ACER1: variants seen among roughly 807,000 people sequenced by gnomAD.
ACER1 encodes CTB-180A7.3.
ACER1 carries 28 observed loss-of-function variants against 24.9 expected under a neutral mutation model. The observed-to-expected ratio is 1.13, with a 90% CI of 0.83 to 1.54. The LOEUF is 1.54. ACER1 is among the 40% of genes most tolerant of loss of function. The pLI, the probability that ACER1 is intolerant of heterozygous loss-of-function variation, is 0.00. For synonymous variants in ACER1, 132 were observed against 131.4 expected, an observed-to-expected ratio of 1.00 and a Z score of -0.03; for missense variants, 352 against 349.3, an observed-to-expected ratio of 1.01 and a Z score of -0.06.
Position 6,324,895 on chromosome 19 carries a change from G to GGAAGGAAA in ACER1, c.93+8563_93+8564insTTTCCTTC, listed in dbSNP as rs2091652928. ...AGGAAGGAAGGAAGGAAGGAAGGAA[G>GGAAGGAAA]GAAGGAAGGAAGGAAGGAGGAAGGA... On this transcript the variant is annotated intron_variant, in intron 1 of 5. Transcript: ENST00000301452. Among the ~76,000 whole-genome samples, 6 of 150,904 alleles carry GGAAGGAAA rather than the reference G, an allele frequency of 4.0e-5. No individual in the cohort carries two copies. The South Asian group carries it at 1.3e-3, about 32-fold the overall frequency.
At chr19:6,313,772 A>T (rs1241338146) in intron 1 of ACER1, among the ~76,000 whole-genome samples, 1 of 152,214 alleles carries the variant, frequency 6.6e-6, no homozygotes, top group African/African-American at 2.4e-5. Context: ...TCATAAAAGG[A>T]ACTGTGGCTT....
At chr19:6,312,575 CA>C in intron 1 of ACER1, 76 bp from the exon 2 acceptor site, 1 of 1,149,328 alleles carries the variant, frequency 8.7e-7, no homozygotes, top group Non-Finnish European at 1.3e-6. Context: ...TCCAGACACT[CA>C]GTCACCAGCC....
the ACER1 span, among the ~76,000 whole-genome samples, chr19:6,343,224 C>T: frequency 2.6e-5 from 4 of 152,184 alleles, no homozygotes; most frequent in Non-Finnish European, 1.5e-5. Context: ...ACTGTTAGAA[C>T]AAGACAATTC....
chr19:6,354,040 G>C, the ACER1 span, among the ~76,000 whole-genome samples: 1 of 151,360 alleles, frequency 6.6e-6, no homozygotes, highest in African/African-American at 2.4e-5. Context: ...AAATTAGCCA[G>C]GCATGGTGGT....
the ACER1 span, among the ~76,000 whole-genome samples, chr19:6,340,173 C>T: frequency 6.6e-6 from 1 of 151,582 alleles, no homozygotes; most frequent in Admixed American, 6.6e-5. Flanking sequence ...CCCAGCTACT[C>T]GGGAGGCTGA....
chr19:6,347,372 C>T, the ACER1 span, among the ~76,000 whole-genome samples: 4 of 140,582 alleles, frequency 2.8e-5, no homozygotes, highest in Non-Finnish European at 6.0e-5. Context: ...TGTGCACCAC[C>T]ACACTCAGCT....
chr19:6,342,781 GGTTT>G, the ACER1 span, among the ~76,000 whole-genome samples: 1 of 151,802 alleles, frequency 6.6e-6, no homozygotes, highest in Non-Finnish European at 1.5e-5. Context: ...AAAAGTTGTG[GGTTT>G]GTTTGTTTTG....
the ACER1 span, among the ~76,000 whole-genome samples, chr19:6,355,548 C>T: frequency 2.7e-5 from 4 of 150,938 alleles, no homozygotes; most frequent in East Asian, 2.0e-4. Flanking sequence ...CGTCTCTGCC[C>T]GACAGCCACC....
chr19:6,355,301 G>A, the ACER1 span, among the ~76,000 whole-genome samples: 2 of 151,286 alleles, frequency 1.3e-5, no homozygotes, highest in South Asian at 2.1e-4. Context: ...GGGACGTGAG[G>A]AGCCCCTCTG....
chr19:6,336,856 G>T (rs2091716497), upstream of ACER1, among the ~76,000 whole-genome samples: 3 of 147,202 alleles, frequency 2.0e-5, no homozygotes, highest in South Asian at 4.4e-4. Flanking sequence ...AAGATAAATT[G>T]TGGTGCTATG....
chr19:6,357,449 A>G, the ACER1 span, among the ~76,000 whole-genome samples: 30 of 151,450 alleles, frequency 2.0e-4, no homozygotes, highest in African/African-American at 7.0e-4. Flanking sequence ...AAGGGGGGTC[A>G]GCAGGGGGGA....
upstream of ACER1, among the ~76,000 whole-genome samples, chr19:6,333,781 G>C (rs910550312): frequency 3.9e-5 from 6 of 152,350 alleles, no homozygotes; most frequent in Admixed American, 3.3e-4. Flanking sequence ...GCAGGGCAGG[G>C]GGCAGAAGTA....
At chr19:6,332,958 C>T (rs1260942475) in intron 1 of ACER1, among the ~76,000 whole-genome samples, 1 of 152,086 alleles carries the variant, frequency 6.6e-6, no homozygotes. Context: ...CGTGAGCCAC[C>T]GCGCCCAGCC....
the ACER1 span, among the ~76,000 whole-genome samples, chr19:6,355,765 C>T: frequency 7.1e-6 from 1 of 141,210 alleles, no homozygotes; most frequent in African/African-American, 2.8e-5. Context: ...GTCAGCCCCC[C>T]ACCCGGCCAG....
At chr19:6,317,134 C>T (rs1263448304) in intron 1 of ACER1, among the ~76,000 whole-genome samples, 8 of 151,862 alleles carry the variant, frequency 5.3e-5, no homozygotes, top group South Asian at 4.2e-4. Context: ...CCACCATACC[C>T]GGCTAACTTT....
chr19:6,325,326 GCTCA>G (rs1206142636), intron 1 of ACER1, among the ~76,000 whole-genome samples: 3 of 152,308 alleles, frequency 2.0e-5, no homozygotes, highest in East Asian at 3.9e-4. Context: ...GCTTCAAGCT[GCTCA>G]CTATTTCCTG....
At chr19:6,348,593 A>G in the ACER1 span, among the ~76,000 whole-genome samples, 1 of 152,092 alleles carries the variant, frequency 6.6e-6, no homozygotes. Context: ...ATCCATTTAC[A>G]GGAGACTAGT....
chr19:6,328,075 CA>C lies in ACER1; in HGVS notation c.93+5383del, dbSNP rs368610307. Among the ~76,000 whole-genome samples, 403 of 123,914 alleles carry C rather than the reference CA, an allele frequency of 3.3e-3. 1 individual carries two copies. The highest frequency in any genetic ancestry group is 4.9e-3 in the African/African-American group (170 of 35,034). 81.3% of individuals were successfully genotyped at this position (123,914 alleles called of 152,430 possible). A position where few individuals can be genotyped will look rare whatever the true frequency, so the allele number is the denominator to read the frequency against. On this transcript the variant is annotated intron_variant, in intron 1 of 5. Transcript: ENST00000301452. Reference sequence around the variant, plus strand: ...TGGGCGACAGAGTGAGACTCCATCTCAAAAAAAAAAAAAAATTATTGGCATA... The same window carrying C: ...TGGGCGACAGAGTGAGACTCCATCTCAAAAAAAAAAAAAATTATTGGCATA...
chr19:6,327,379 C>A (rs537273396), intron 1 of ACER1, among the ~76,000 whole-genome samples: 2 of 152,110 alleles, frequency 1.3e-5, no homozygotes, highest in Admixed American at 6.6e-5. Context: ...TCCTGGCTAA[C>A]ACGGTGAAAC....
Sources: allele counts gnomAD v4.1 joint callset (sites outside exome capture counted in the v4.1 genomes callset), GRCh38; gene constraint gnomAD v4.1.1; transcripts MANE v1.5; gene names NCBI Gene and HGNC (gene_info 2026-07-23, HGNC 2026-07-21).